The following CEP72 variants were observed in gnomAD, a reference collection of about 807,000 sequenced individuals.
CEP72 encodes centrosomal protein 72, also known as centrosomal protein of 72 kDa.
CEP72 carries 78 observed loss-of-function variants against 65.7 expected under a neutral mutation model. That is an observed-to-expected ratio of 1.19 (90% CI 0.99 to 1.43). The LOEUF is 1.43. Ranked by LOEUF, CEP72 falls within the 40% of genes most tolerant of loss-of-function variation. The pLI, the probability that CEP72 is intolerant of heterozygous loss-of-function variation, is 0.00. For missense variants in CEP72, 914 were observed against 832.9 expected, an observed-to-expected ratio of 1.10 and a Z score of -1.20; for synonymous variants, 358 against 351.7, an observed-to-expected ratio of 1.02 and a Z score of -0.20.
downstream of CEP72, among the ~76,000 whole-genome samples, chr5:670,977 G>A (rs905360392): frequency 3.9e-5 from 6 of 152,324 alleles, no homozygotes; most frequent in South Asian, 2.1e-4. Flanking sequence ...GGATGGCAAC[G>A]TCCACTGGGC....
chr5:649,873 TGGACTGTGAGGTG>T (rs1738836331), intron 11 of CEP72, among the ~76,000 whole-genome samples: 2 of 103,170 alleles, frequency 1.9e-5, no homozygotes, highest in Admixed American at 1.1e-4. Flanking sequence ...GACTGAGGTG[TGGACTGTGAGGTG>T]GGACTGTGAG....
rs1736517454 is a variant in CEP72 at position 623,278 on chromosome 5, A to G, written c.404-1193A>G. Among the ~76,000 whole-genome samples, 1 of 152,234 alleles carries G rather than the reference A, an allele frequency of 6.6e-6. No homozygotes were observed. Among genetic ancestry groups the G allele is most frequent in the Admixed American group, 6.5e-5 (1 of 15,288 alleles). On this transcript the variant is annotated intron_variant, in intron 3 of 11. Transcript: ENST00000264935. The surrounding 1 kb of genome is among the most constrained non-coding windows in gnomAD (Gnocchi z 5.3). ...TTCCTGCAGTGGCGCTGGCAGTCAG[A>G]GGCGCTGCGGGAACCACGGAGGTGC... is the stretch of plus-strand genomic sequence containing the variant.
chr5:643,912 A>G (rs771904710), intron 9 of CEP72, among the ~76,000 whole-genome samples: 118 of 152,362 alleles, frequency 7.7e-4, no homozygotes, highest in Admixed American at 2.4e-3. Flanking sequence ...ACTGGCACCA[A>G]GGCCTGGGGC....
chr5:622,293 C>T (rs1289231278), intron 3 of CEP72, among the ~76,000 whole-genome samples: 4 of 151,008 alleles, frequency 2.6e-5, no homozygotes, highest in Admixed American at 1.3e-4. Context: ...CAATTTTTCT[C>T]TGACCTTCTA....
At position 649,398 on chromosome 5, in the gene CEP72, CCTGTGAGGCGTGGA is replaced by C. The variant is rs1290836186; in HGVS notation, c.1778+1505_1778+1518del. 5.0e-4 allele frequency among the ~76,000 whole-genome samples: 16 copies of C among 31,860 alleles called. 1 individual carries two copies. The highest frequency in any genetic ancestry group is 2.7e-3 in the African/African-American group (16 of 5,832). The allele number at this position is 31,860 out of a possible 152,430, so 20.9% of individuals were successfully genotyped here. A position where few individuals can be genotyped will look rare whatever the true frequency, so the allele number is the denominator to read the frequency against. ...CTGTGAGGTGTGACTGTGAGGTGTG[CCTGTGAGGCGTGGA>C]CTGTGAGGCGTGGACTGTGAGGGGT... On this transcript the variant is annotated intron_variant, in intron 11 of 11. Transcript: ENST00000264935.
chr5:646,956 G>A (rs757094337), intron 10 of CEP72, among the ~76,000 whole-genome samples: 5 of 152,228 alleles, frequency 3.3e-5, no homozygotes, highest in African/African-American at 4.8e-5. Context: ...TGGTTTTGCC[G>A]TCTGAGGACT....
chr5:612,431 C>T lies in CEP72; in HGVS notation c.70C>T (p.His24Tyr). The change falls in exon 1 of 12, where the codon CAC becomes TAC. Residue 24 changes from histidine to tyrosine, a missense_variant. Physicochemically the swap from His to Tyr is moderately conservative, Grantham distance 83. Transcript: ENST00000264935. Reference protein sequence around the residue: ...AVRAKSGLGPHRDLAELQSLS... With the variant: ...AVRAKSGLGPYRDLAELQSLS... The stretch of plus-strand genomic sequence containing the variant: ...TCGGGCGAAGAGCGGCTTAGGGCCT[C>T]ACCGCGACCTGGGTGCGCCGGAGGG... The T allele has an allele frequency of 1.4e-6, 2 of 1,461,818 alleles. No homozygotes were observed. The highest frequency in any genetic ancestry group is 1.8e-6 in the Non-Finnish European group (2 of 1,108,990). The allele number at this position is 1,461,818 out of a possible 1,614,324, so 90.6% of individuals were successfully genotyped here.
intron 4 of CEP72, among the ~76,000 whole-genome samples, chr5:627,294 T>C (rs1332605682): frequency 6.6e-6 from 1 of 152,254 alleles, no homozygotes; most frequent in Non-Finnish European, 1.5e-5. Flanking sequence ...TTTGTTTCCC[T>C]TTTAATGTCT....
intron 8 of CEP72, 86 bp downstream of exon 8, chr5:639,310 A>G: frequency 1.4e-6 from 2 of 1,443,998 alleles, no homozygotes; most frequent in Non-Finnish European, 1.9e-6. Flanking sequence ...CCTAGGAGTC[A>G]TCTCAGCCCC....
chr5:619,117 G>C lies in CEP72; in HGVS notation c.210G>C (p.Glu70Asp). ...DLSRNSLVSLEGIQYLTALES... is the reference protein window; with the variant it reads ...DLSRNSLVSLDGIQYLTALES... ...CGCGCAACTCCTTGGTTAGTCTGGAGGTAAGTTTTAGGTCTCTTTCTTAAA... is the reference window on the plus strand; with the variant it reads ...CGCGCAACTCCTTGGTTAGTCTGGACGTAAGTTTTAGGTCTCTTTCTTAAA... The change falls in exon 2 of 12, where the codon GAG (glutamate) becomes GAC (aspartate). Residue 70 changes from glutamate (E) to aspartate (D), a missense_variant and splice_region_variant. Transcript: ENST00000264935. 6.2e-7 allele frequency: 1 copy of C among 1,609,852 alleles called. No individual in the cohort carries two copies. Among genetic ancestry groups the C allele is most frequent in the Non-Finnish European group, 8.5e-7 (1 of 1,176,936 alleles).
downstream of CEP72, among the ~76,000 whole-genome samples, chr5:656,728 G>T (rs982408801): frequency 6.4e-4 from 97 of 152,108 alleles, no homozygotes; most frequent in Non-Finnish European, 1.1e-3. Context: ...TCCCATTCCT[G>T]TTGTTCTGGA....
chr5:672,364 A>G, the CEP72 span, among the ~76,000 whole-genome samples: 5 of 152,224 alleles, frequency 3.3e-5, no homozygotes, highest in African/African-American at 4.8e-5. Context: ...GCCACCACCC[A>G]GTATCCACCC....
intron 1 of CEP72, among the ~76,000 whole-genome samples, chr5:614,293 C>T (rs1304446017): frequency 6.6e-6 from 1 of 151,870 alleles, no homozygotes; most frequent in African/African-American, 2.4e-5. Flanking sequence ...TGATTTGAGA[C>T]TTTCCTATTT....
In CEP72 at chr5:644,787, A is replaced by C. The variant is rs538925731; in HGVS notation, c.1666+362A>C. 2.6e-5 allele frequency among the ~76,000 whole-genome samples: 4 copies of C among 152,192 alleles called. No individual in the cohort carries two copies. The East Asian group carries it at 7.7e-4, about 29-fold the overall frequency. Reference sequence around the variant, plus strand: ...TCCTCCCATGGTTATGCTGCCATCGAATTTGGTGAATGAGCCTGTTGCCCA... The same window carrying C: ...TCCTCCCATGGTTATGCTGCCATCGCATTTGGTGAATGAGCCTGTTGCCCA... On this transcript the variant is annotated intron_variant, in intron 10 of 11. Transcript: ENST00000264935.
downstream of CEP72, among the ~76,000 whole-genome samples, chr5:670,404 TG>T (rs1740176328): frequency 6.6e-6 from 1 of 152,212 alleles, no homozygotes; most frequent in East Asian, 1.9e-4. Flanking sequence ...CTGGGGGCTG[TG>T]GAGGGGAATC....
At chr5:620,994 G>A (rs1736354169) in intron 3 of CEP72, among the ~76,000 whole-genome samples, 1 of 152,218 alleles carries the variant, frequency 6.6e-6, no homozygotes, top group East Asian at 1.9e-4. Flanking sequence ...CCTCAGCCCA[G>A]GGGCACACTG....
chr5:627,831 T>C (rs1326687474), intron 4 of CEP72, among the ~76,000 whole-genome samples: 2 of 152,222 alleles, frequency 1.3e-5, no homozygotes, highest in Admixed American at 6.5e-5. Flanking sequence ...ATTAAAACTT[T>C]ACAGTAGTGT....
Position 639,467 on chromosome 5 carries a change from TGGG to T in CEP72, c.1342+247_1342+249del, listed in dbSNP as rs376135296. 2.6e-4 allele frequency among the ~76,000 whole-genome samples: 40 copies of T among 152,246 alleles called. 1 individual carries two copies. The highest frequency in any genetic ancestry group is 5.9e-4 in the Admixed American group (9 of 15,304). On this transcript the variant is annotated intron_variant, in intron 8 of 11. Transcript: ENST00000264935. ...GGTCCCCCGCTGTGCTCTGGGGTGTTGGGGGGCCTGTCACCTCATTTTGCTCAA... is the reference window on the plus strand; with the variant it reads ...GGTCCCCCGCTGTGCTCTGGGGTGTTGGGCCTGTCACCTCATTTTGCTCAA...
intron 1 of CEP72, among the ~76,000 whole-genome samples, chr5:617,992 G>A (rs2455339): frequency 0.63 from 95,236 of 151,400 alleles, 30,092 homozygotes; most frequent in Non-Finnish European, 0.66. Context: ...TGTTGATGTA[G>A]TGACTGCTTA....
Sources: gnomAD v4.1 joint callset for allele counts (sites outside exome capture counted in the v4.1 genomes callset) on GRCh38, gnomAD v4.1.1 for gene constraint, Gnocchi (gnomAD v3.1) non-coding constraint, MANE v1.5 for transcripts, NCBI Gene and HGNC (gene_info 2026-07-23, HGNC 2026-07-21) for gene names.